NAALADL2: variants seen among roughly 807,000 people sequenced by gnomAD.
The protein encoded by NAALADL2 is inactive N-acetylated-alpha-linked acidic dipeptidase-like protein 2.
In NAALADL2, 76 loss-of-function variants were observed where a neutral mutation model predicts 87.2. The ratio of observed to expected loss-of-function variants is 0.87; its 90% CI spans 0.72 to 1.05. The LOEUF is 1.05. Ranked by LOEUF, NAALADL2 falls within the 50% of genes least tolerant of loss-of-function variation. The pLI is 0.00. For synonymous variants in NAALADL2, 354 were observed against 331.0 expected, an observed-to-expected ratio of 1.07 and a Z score of -0.75; for missense variants, 1,089 against 945.8, an observed-to-expected ratio of 1.15 and a Z score of -1.99.
intron 1 of NAALADL2, among the ~76,000 whole-genome samples, chr3:174,476,729 G>C (rs1577988315): frequency 2.0e-5 from 3 of 152,042 alleles, no homozygotes; most frequent in East Asian, 3.9e-4. Context: ...TTCTAATAAA[G>C]TCCCTACCTA....
intron 2 of NAALADL2, among the ~76,000 whole-genome samples, chr3:175,141,804 T>C (rs1187094906): frequency 6.6e-6 from 1 of 152,096 alleles, no homozygotes; most frequent in Admixed American, 6.6e-5. Flanking sequence ...TGTTCTGCTT[T>C]CAGATAATGT....
At chr3:175,802,972 T>TGAAA in intron 13 of NAALADL2, 33 bp from the exon 14 acceptor site, 1 of 1,446,188 alleles carries the variant, frequency 6.9e-7, no homozygotes, top group Non-Finnish European at 9.7e-7. Flanking sequence ...GCATTGTGCA[T>TGAAA]GAAACATTTA....
intron 11 of NAALADL2, among the ~76,000 whole-genome samples, chr3:175,631,122 T>C (rs1727702866): frequency 6.6e-6 from 1 of 151,710 alleles, no homozygotes; most frequent in African/African-American, 2.4e-5. Context: ...TGAGTAACTC[T>C]TTTTCTTCTA....
intron 9 of NAALADL2, among the ~76,000 whole-genome samples, chr3:175,541,102 C>T (rs1712235142): frequency 6.6e-6 from 1 of 152,214 alleles, no homozygotes; most frequent in South Asian, 2.1e-4. Context: ...GAAAATGCTA[C>T]AGACCAACCT....
At chr3:175,680,691 T>G (rs1735466564) in intron 11 of NAALADL2, among the ~76,000 whole-genome samples, 1 of 152,206 alleles carries the variant, frequency 6.6e-6, no homozygotes, top group Admixed American at 6.5e-5. Context: ...AGGCCAAGCA[T>G]GCATCCAGTG....
rs1201425205 is a variant in NAALADL2, at chr3:175,471,705, A to G, written c.1600A>G (p.Asn534Asp). 1 of 1,604,286 alleles carries G rather than the reference A, an allele frequency of 6.2e-7. No homozygotes were observed. Among genetic ancestry groups the G allele is most frequent in the Non-Finnish European group, 8.5e-7 (1 of 1,172,886 alleles). Residue 534 changes from asparagine to aspartate, a missense_variant, in exon 9 of 14, where the codon AAC (asparagine) becomes GAC (aspartate). Transcript: ENST00000454872. ...YISLHSPIRG[N>D]SSLYPVASPS... ...TAGCCTCCACAGTCCCATAAGGGGG[A>G]ACTCTAGTCTGTATCCTGTAGCATC...
At chr3:174,717,245 T>C (rs1731273961) in intron 2 of NAALADL2, among the ~76,000 whole-genome samples, 2 of 152,124 alleles carry the variant, frequency 1.3e-5, no homozygotes, top group African/African-American at 4.8e-5. Context: ...ACTCTCTATT[T>C]TTTTAATTGT....
chr3:174,454,327 G>C (rs551607739), intron 1 of NAALADL2, among the ~76,000 whole-genome samples: 1 of 152,172 alleles, frequency 6.6e-6, no homozygotes, highest in East Asian at 1.9e-4. Context: ...GTATTATATA[G>C]ATCATCGAGG....
At chr3:174,903,873 T>C (rs932050733) in intron 1 of NAALADL2, among the ~76,000 whole-genome samples, 1 of 151,790 alleles carries the variant, frequency 6.6e-6, no homozygotes, top group Non-Finnish European at 1.5e-5. Context: ...TAAATGTACT[T>C]TTTTATAAAT....
At chr3:175,188,702 G>C (rs1432650901) in intron 2 of NAALADL2, among the ~76,000 whole-genome samples, 4 of 152,018 alleles carry the variant, frequency 2.6e-5, no homozygotes, top group African/African-American at 9.7e-5. Flanking sequence ...CTGCTAACTG[G>C]TGCCCAAGCC....
chr3:174,963,426 G>T (rs139694929), intron 1 of NAALADL2, among the ~76,000 whole-genome samples: 1 of 152,084 alleles, frequency 6.6e-6, no homozygotes, highest in African/African-American at 2.4e-5. Context: ...GGAAATGGGG[G>T]ACAAGTAGAA....
chr3:175,660,375 T>C (rs1179673525), intron 11 of NAALADL2, among the ~76,000 whole-genome samples: 2 of 152,162 alleles, frequency 1.3e-5, no homozygotes, highest in Non-Finnish European at 1.5e-5. Flanking sequence ...AGACCCTTTT[T>C]TCGTTGATAT....
chr3:174,907,533 A>G (rs557044453), intron 1 of NAALADL2, among the ~76,000 whole-genome samples: 3 of 152,204 alleles, frequency 2.0e-5, no homozygotes, highest in African/African-American at 7.2e-5. Context: ...TCTGTATACT[A>G]TAGAGGAATG....
intron 2 of NAALADL2, among the ~76,000 whole-genome samples, chr3:175,202,230 AGCTTC>A (rs1289935990): frequency 6.6e-6 from 1 of 152,128 alleles, no homozygotes; most frequent in Non-Finnish European, 1.5e-5. Context: ...GCAGCTGATC[AGCTTC>A]CTTTGTCCAC....
chr3:174,597,570 T>C (rs1287307254), intron 2 of NAALADL2, among the ~76,000 whole-genome samples: 1 of 152,202 alleles, frequency 6.6e-6, no homozygotes, highest in South Asian at 2.1e-4. Flanking sequence ...AGCCTTTCCA[T>C]ATACAATATT....
rs182927556 is a variant in NAALADL2, at chr3:175,732,869, A to C, written c.1897-4437A>C. ...GGTTTTTCAATGAGAACACATGTAC[A>C]TGGGAGGGGAACAACACACGCTGGG... On this transcript the variant is annotated intron_variant, in intron 11 of 13. Transcript: ENST00000454872. Among the ~76,000 whole-genome samples the C allele has an allele frequency of 3.0e-5, 4 of 134,282 alleles. No homozygotes were observed. In the East Asian group the frequency reaches 9.7e-4, roughly 33 times the overall value. The allele number at this position is 134,282 out of a possible 152,430, so 88.1% of individuals were successfully genotyped here. A position where few individuals can be genotyped will look rare whatever the true frequency, so the allele number is the denominator to read the frequency against.
intron 2 of NAALADL2, among the ~76,000 whole-genome samples, chr3:174,674,697 G>T (rs1178654563): frequency 6.6e-6 from 1 of 151,926 alleles, no homozygotes; most frequent in Non-Finnish European, 1.5e-5. Context: ...AGGAAACAGG[G>T]TCTATTTTTT....
At chr3:174,719,435 TA>T (rs1731501235) in intron 2 of NAALADL2, among the ~76,000 whole-genome samples, 2 of 152,210 alleles carry the variant, frequency 1.3e-5, no homozygotes, top group Admixed American at 6.5e-5. Flanking sequence ...TCAAAAGAGG[TA>T]TATAACTTTA....
chr3:174,827,942 G>T (rs2109355876), intron 3 of NAALADL2, among the ~76,000 whole-genome samples: 1 of 152,250 alleles, frequency 6.6e-6, no homozygotes, highest in Middle Eastern at 3.4e-3. Context: ...CAGCACTTTG[G>T]GAGGCTGAGG....
Sources: allele counts gnomAD v4.1 joint callset (sites outside exome capture counted in the v4.1 genomes callset), GRCh38; gene constraint gnomAD v4.1.1; transcripts MANE v1.5; gene names NCBI Gene and HGNC (gene_info 2026-07-23, HGNC 2026-07-21).